PHF20: variants seen among roughly 807,000 people sequenced by gnomAD.
PHF20 encodes PHD finger protein 20.
PHF20 carries 23 observed loss-of-function variants against 113.5 expected under a neutral mutation model. That is an observed-to-expected ratio of 0.20 (90% CI 0.15 to 0.29). The LOEUF (loss-of-function observed/expected upper bound fraction) is 0.29. PHF20 is among the 10% of genes least tolerant of loss of function. The pLI, the probability that PHF20 is intolerant of heterozygous loss-of-function variation, is 1.00. For missense variants in PHF20, 943 were observed against 1,219.6 expected (o/e 0.77, Z 3.38); for synonymous variants, 434 against 457.3 (o/e 0.95, Z 0.65).
intron 17 of PHF20, among the ~76,000 whole-genome samples, chr20:35,944,268 G>A (rs2056045260): frequency 6.6e-6 from 1 of 152,156 alleles, no homozygotes; most frequent in African/African-American, 2.4e-5. Flanking sequence ...AACAGACCTA[G>A]ACAGACAGCT....
At chr20:35,774,300 T>A (rs746265698) in intron 1 of PHF20, among the ~76,000 whole-genome samples, 12 of 152,200 alleles carry the variant, frequency 7.9e-5, no homozygotes, top group Non-Finnish European at 1.2e-4. Flanking sequence ...CTCGATCTCC[T>A]GACCTCGTGA....
At chr20:35,936,049 A>G (rs2055857983) in intron 15 of PHF20, among the ~76,000 whole-genome samples, 1 of 152,242 alleles carries the variant, frequency 6.6e-6, no homozygotes, top group Non-Finnish European at 1.5e-5. Context: ...TGGCAGGGTC[A>G]TGCTTGCGAG....
chr20:35,937,286 T>G (rs992611146), intron 15 of PHF20, among the ~76,000 whole-genome samples: 1 of 151,964 alleles, frequency 6.6e-6, no homozygotes, highest in African/African-American at 2.4e-5. Flanking sequence ...CTGACCAACA[T>G]GTAGAAACTC....
At chr20:35,932,700 G>C (rs2055784732) in intron 15 of PHF20, among the ~76,000 whole-genome samples, 1 of 152,044 alleles carries the variant, frequency 6.6e-6, no homozygotes, top group South Asian at 2.1e-4. Flanking sequence ...GAAATTTCTG[G>C]GATTACAGGT....
intron 2 of PHF20, among the ~76,000 whole-genome samples, chr20:35,815,487 G>A (rs2042056606): frequency 6.6e-6 from 1 of 150,980 alleles, no homozygotes; most frequent in South Asian, 2.1e-4. Flanking sequence ...TTTTGAGGCA[G>A]AGTCTTGCTG....
At position 35,921,250 on chromosome 20, in the gene PHF20, C is replaced by T. The variant is rs550012050; in HGVS notation, c.2004+3588C>T. 8.5e-5 allele frequency among the ~76,000 whole-genome samples: 13 copies of T among 152,080 alleles called. No individual in the cohort carries two copies. In the South Asian group the frequency reaches 1.9e-3, roughly 22 times the overall value. The stretch of plus-strand genomic sequence containing the variant: ...GAGGTCAACATAATACTGAGCTATC[C>T]TAGCAATACAAAATTATGTGTGGTG... On this transcript the variant is annotated intron_variant, in intron 13 of 17. Transcript: ENST00000374012.
chr20:35,790,838 C>T (rs572122892), intron 1 of PHF20, among the ~76,000 whole-genome samples: 25 of 152,076 alleles, frequency 1.6e-4, no homozygotes, highest in Non-Finnish European at 3.1e-4. Flanking sequence ...GTAGGGGAGC[C>T]GCTGAACTGT....
chr20:35,807,565 CTGGTCTTGAACTCCTGACCTCAGG>C (rs1481327985), intron 2 of PHF20, among the ~76,000 whole-genome samples: 1 of 151,924 alleles, frequency 6.6e-6, no homozygotes, highest in Non-Finnish European at 1.5e-5. Context: ...TTTGGCCAGG[CTGGTCTTGAACTCCTGACCTCAGG>C]TGATCTGCTC....
At chr20:35,841,645 C>G (rs1568637562) in intron 2 of PHF20, among the ~76,000 whole-genome samples, 1 of 151,868 alleles carries the variant, frequency 6.6e-6, no homozygotes. Context: ...TGGCACGTAC[C>G]TGTAGTCCCA....
intron 1 of PHF20, among the ~76,000 whole-genome samples, chr20:35,798,094 C>T (rs1365761788): frequency 6.6e-6 from 1 of 152,166 alleles, no homozygotes; most frequent in Non-Finnish European, 1.5e-5. Context: ...TAACCTATAA[C>T]TTATTTTTTT....
chr20:35,852,582 G>T (rs373080497), intron 4 of PHF20, among the ~76,000 whole-genome samples: 1 of 151,932 alleles, frequency 6.6e-6, no homozygotes, highest in African/African-American at 2.4e-5. Flanking sequence ...ATCTGTGGAA[G>T]CCTAAGGACT....
At chr20:35,914,261 G>A in intron 12 of PHF20, 64 bp downstream of exon 12, 1 of 1,522,296 alleles carries the variant, frequency 6.6e-7, no homozygotes, top group Non-Finnish European at 9.1e-7. Flanking sequence ...AGCATACCTG[G>A]GAGATATTAT....
chr20:35,947,155 A>T (rs1269402521), intron 17 of PHF20, among the ~76,000 whole-genome samples: 1 of 152,244 alleles, frequency 6.6e-6, no homozygotes, highest in South Asian at 2.1e-4. Context: ...CAGTTGCATT[A>T]GCCATGTTTC....
chr20:35,917,410 T>C (rs547488585), intron 12 of PHF20, 74 bp from the exon 13 acceptor site: 14 of 1,308,570 alleles, frequency 1.1e-5, no homozygotes, highest in Middle Eastern at 3.6e-4. Flanking sequence ...AATGTCATTT[T>C]TCATTCTTGA....
chr20:35,855,218 G>A (rs1038853153), intron 4 of PHF20: 7 of 1,305,278 alleles, frequency 5.4e-6, no homozygotes, highest in Non-Finnish European at 7.0e-6. Flanking sequence ...CCATAGCATT[G>A]TTTATCATAA....
At chr20:35,900,046 A>G (rs2055065910) in intron 10 of PHF20, among the ~76,000 whole-genome samples, 1 of 152,218 alleles carries the variant, frequency 6.6e-6, no homozygotes, top group African/African-American at 2.4e-5. Flanking sequence ...AAAAGGTGAT[A>G]TGTGATTCTA....
At chr20:35,807,350 CTTT>C (rs35614615) in intron 2 of PHF20, among the ~76,000 whole-genome samples, 47 of 122,304 alleles carry the variant, frequency 3.8e-4, no homozygotes, top group African/African-American at 1.4e-3. Flanking sequence ...ATGAATGGAT[CTTT>C]TTTTTTTTTT....
At chr20:35,824,532 G>C (rs1022862692) in intron 2 of PHF20, among the ~76,000 whole-genome samples, 1 of 151,842 alleles carries the variant, frequency 6.6e-6, no homozygotes, top group Non-Finnish European at 1.5e-5. Context: ...GCTTGAACCC[G>C]GGAGGCAGAG....
At chr20:35,783,715 C>T (rs1250632487) in intron 1 of PHF20, among the ~76,000 whole-genome samples, 1 of 152,004 alleles carries the variant, frequency 6.6e-6, no homozygotes, top group East Asian at 1.9e-4. Context: ...GGCATGGTGC[C>T]TCACTCCTGT....
Sources: allele counts gnomAD v4.1 joint callset (sites outside exome capture counted in the v4.1 genomes callset), GRCh38; gene constraint gnomAD v4.1.1; transcripts MANE v1.5; gene names NCBI Gene and HGNC (gene_info 2026-07-23, HGNC 2026-07-21).